Variants in CAMK2A observed in about 807,000 individuals in gnomAD.
CAMK2A encodes the protein calcium/calmodulin-dependent protein kinase type II subunit alpha.
CAMK2A carries 7 observed loss-of-function variants against 79.2 expected under a neutral mutation model. That is an observed-to-expected ratio of 0.09 (90% CI 0.05 to 0.17). The LOEUF is 0.17. CAMK2A is among the 10% of genes least tolerant of loss of function. The pLI is 1.00. For missense variants in CAMK2A, 214 were observed against 646.4 expected (o/e 0.33, Z 7.25); for synonymous variants, 242 against 251.7 (o/e 0.96, Z 0.36).
intron 15 of CAMK2A, among the ~76,000 whole-genome samples, chr5:150,235,103 G>A (rs1755005743): frequency 6.6e-6 from 1 of 152,184 alleles, no homozygotes. Flanking sequence ...CATGTCTGGG[G>A]TAGCACTCTC....
At chr5:150,255,589 G>A (rs555483434) in intron 6 of CAMK2A, among the ~76,000 whole-genome samples, 1 of 152,362 alleles carries the variant, frequency 6.6e-6, no homozygotes, top group African/African-American at 2.4e-5. Flanking sequence ...CAGAACTGAG[G>A]TTCAGGGCAA....
intron 1 of CAMK2A, among the ~76,000 whole-genome samples, chr5:150,286,319 C>G (rs1274546717): frequency 6.6e-6 from 1 of 152,218 alleles, no homozygotes; most frequent in Non-Finnish European, 1.5e-5. Context: ...TCAAGAGGCT[C>G]CAGTAGCCCT....
intron 2 of CAMK2A, among the ~76,000 whole-genome samples, chr5:150,268,912 C>T (rs1338763075): frequency 2.0e-5 from 3 of 151,948 alleles, no homozygotes; most frequent in Non-Finnish European, 2.9e-5. Flanking sequence ...TACAGGCACC[C>T]GCCACCATGC....
intron 16 of CAMK2A, among the ~76,000 whole-genome samples, chr5:150,228,985 G>A (rs1754724588): frequency 6.6e-6 from 1 of 152,186 alleles, no homozygotes; most frequent in Admixed American, 6.5e-5. Flanking sequence ...CTGACAGCCA[G>A]GCAGGGGAAG....
chr5:150,226,752 G>T lies in CAMK2A; in HGVS notation c.1237+1440C>A, dbSNP rs568685402. ...TCAGTCAAAAAAAAAAAAGGGGGGG[G>T]GGGGATTTTCCTGAATTGATTGACT... On this transcript the variant is annotated intron_variant, in intron 17 of 18. Coordinates refer to ENST00000671881, the MANE Select transcript of CAMK2A (RefSeq NM_015981.4). Among the ~76,000 whole-genome samples, 2 of 140,852 alleles carry T rather than the reference G, an allele frequency of 1.4e-5. 1 individual carries two copies. Among genetic ancestry groups the T allele is most frequent in the South Asian group, 5.1e-4 (2 of 3,936 alleles). 92.4% of individuals were successfully genotyped at this position (140,852 alleles called of 152,430 possible).
chr5:150,257,726 C>G, intron 3 of CAMK2A, 109 bp from the exon 4 acceptor site: 1 of 850,614 alleles, frequency 1.2e-6, no homozygotes. Flanking sequence ...CCCAGACAGT[C>G]ACTGAGTATA....
At chr5:150,263,651 A>C (rs1290289190) in intron 3 of CAMK2A, among the ~76,000 whole-genome samples, 1 of 151,414 alleles carries the variant, frequency 6.6e-6, no homozygotes. Flanking sequence ...TCACTCACAC[A>C]CTCCACACAC....
At chr5:150,264,729 C>T (rs927044673) in intron 3 of CAMK2A, among the ~76,000 whole-genome samples, 3 of 151,996 alleles carry the variant, frequency 2.0e-5, no homozygotes, top group Non-Finnish European at 4.4e-5. Flanking sequence ...CGGAGGCTGC[C>T]GGCAGTGTGG....
rs138723800 is a variant in CAMK2A, at chr5:150,273,696, C to T, written c.63-537G>A. Reference sequence around the variant, plus strand: ...GACTTTGTATAGAGTTCTCCACCTTCCTTTTTTCAGTGAATAATATATTTT... The same window carrying T: ...GACTTTGTATAGAGTTCTCCACCTTTCTTTTTTCAGTGAATAATATATTTT... On this transcript the variant is annotated intron_variant, in intron 1 of 18. Transcript: ENST00000671881. 4.0e-3 allele frequency among the ~76,000 whole-genome samples: 614 copies of T among 152,306 alleles called. 1 individual carries two copies. The highest frequency in any genetic ancestry group is 6.9e-3 in the Admixed American group (106 of 15,308).
Position 150,269,501 on chromosome 5 carries a change from G to A in CAMK2A, c.157+3564C>T, listed in dbSNP as rs183418967. On this transcript the variant is annotated intron_variant, in intron 2 of 18. Coordinates refer to ENST00000671881, the MANE Select transcript of CAMK2A (RefSeq NM_015981.4). ...TGAGTAGCTGGGACTACAGGCACCCGCCACTACGCCCGGCTAATTTTTTAT... is the reference window on the plus strand; with the variant it reads ...TGAGTAGCTGGGACTACAGGCACCCACCACTACGCCCGGCTAATTTTTTAT... Among the ~76,000 whole-genome samples the A allele has an allele frequency of 4.1e-3, 618 of 151,972 alleles. 4 individuals carry two copies. Among genetic ancestry groups the A allele is most frequent in the African/African-American group, 9.6e-3 (397 of 41,436 alleles).
At chr5:150,239,996 C>T (rs1755268287) in intron 13 of CAMK2A, among the ~76,000 whole-genome samples, 1 of 152,168 alleles carries the variant, frequency 6.6e-6, no homozygotes, top group Non-Finnish European at 1.5e-5. Flanking sequence ...CAGCCAAGCT[C>T]ATGGCCAAGC....
intron 17 of CAMK2A, among the ~76,000 whole-genome samples, chr5:150,226,895 C>A (rs1754628583): frequency 6.6e-6 from 1 of 151,328 alleles, no homozygotes. Flanking sequence ...CCTCAGCCTC[C>A]CGAGCAGCTG....
intron 1 of CAMK2A, among the ~76,000 whole-genome samples, chr5:150,282,660 T>C (rs1757263927): frequency 6.6e-6 from 1 of 152,248 alleles, no homozygotes; most frequent in Non-Finnish European, 1.5e-5. Flanking sequence ...TCTCTGGGCC[T>C]TAGCTCACCA....
intron 14 of CAMK2A, 70 bp from the exon 15 acceptor site, chr5:150,238,818 T>G (rs1755209671): frequency 7.3e-7 from 1 of 1,369,796 alleles, no homozygotes. Context: ...AGGCCCTGGC[T>G]GCCTGGTGAC....
chr5:150,230,048 G>A (rs933973805), intron 16 of CAMK2A, among the ~76,000 whole-genome samples: 4 of 152,070 alleles, frequency 2.6e-5, no homozygotes, highest in Non-Finnish European at 4.4e-5. Flanking sequence ...GGGCGGGCTC[G>A]GTAGCTGACG....
intron 1 of CAMK2A, among the ~76,000 whole-genome samples, chr5:150,283,206 T>C (rs1757286788): frequency 6.6e-6 from 1 of 152,152 alleles, no homozygotes; most frequent in Non-Finnish European, 1.5e-5. Context: ...CATCTGGAAA[T>C]TGGGGTCAGG....
chr5:150,252,087 G>A, intron 7 of CAMK2A, 22 bp from the exon 8 acceptor site: 2 of 1,572,538 alleles, frequency 1.3e-6, no homozygotes, highest in Non-Finnish European at 1.7e-6. Flanking sequence ...CACACAGACA[G>A]GCAGACACAT....
In CAMK2A at chr5:150,266,939, C is replaced by A. The variant is rs1420660236; in HGVS notation, c.158-1924G>T. 2.0e-5 allele frequency among the ~76,000 whole-genome samples: 3 copies of A among 152,158 alleles called. No individual in the cohort carries two copies. In the East Asian group the frequency reaches 5.8e-4, roughly 29 times the overall value. ...ATCCAGCTCCCCTTTCCCCTGCCCC[C>A]TTCACTAGAGCAATCACTGGCTGTC... On this transcript the variant is annotated intron_variant, in intron 2 of 18. Transcript: ENST00000671881.
At chr5:150,271,845 G>A (rs1051509685) in intron 2 of CAMK2A, among the ~76,000 whole-genome samples, 3 of 152,154 alleles carry the variant, frequency 2.0e-5, no homozygotes, top group South Asian at 2.1e-4. Context: ...CAATCACCCC[G>A]GTGTCTTGTT....
Sources: allele counts gnomAD v4.1 joint callset (sites outside exome capture counted in the v4.1 genomes callset), GRCh38; gene constraint gnomAD v4.1.1; transcripts MANE v1.5; gene names NCBI Gene and HGNC (gene_info 2026-07-23, HGNC 2026-07-21).